MRPS10: variants seen among roughly 807,000 people sequenced by gnomAD.
MRPS10 encodes mitochondrial ribosomal protein S10.
MRPS10 carries 23 observed loss-of-function variants against 27.5 expected under a neutral mutation model. The observed-to-expected ratio is 0.84, with a 90% confidence interval of 0.60 to 1.18. The LOEUF is 1.18. Among genes scored for constraint, MRPS10 ranks in the 50% most tolerant of loss-of-function variants. The probability of loss-of-function intolerance (pLI) is 0.00; values close to 1 mark genes in which losing one functional copy is unlikely to be tolerated. For synonymous variants in MRPS10, 88 were observed against 84.2 expected (o/e 1.04, Z -0.25); for missense variants, 237 against 240.1 (o/e 0.99, Z 0.09).
At chr6:42,214,002 T>G (rs1312876296) in intron 3 of MRPS10, 118 bp downstream of exon 3, 5 of 705,010 alleles carry the variant, frequency 7.1e-6, no homozygotes, top group Non-Finnish European at 1.2e-5. Context: ...CATTTGCCAG[T>G]ATTCTAGGAC....
chr6:42,213,612 G>A (rs184316793), intron 3 of MRPS10, among the ~76,000 whole-genome samples: 26 of 152,254 alleles, frequency 1.7e-4, no homozygotes, highest in African/African-American at 5.8e-4. Context: ...GAAATGAAAG[G>A]ATTTTTAAAA....
chr6:42,210,701 T>C, intron 4 of MRPS10, 105 bp from the exon 5 acceptor site: 9 of 1,451,974 alleles, frequency 6.2e-6, no homozygotes, highest in Non-Finnish European at 8.3e-6. Context: ...TTAACTACCA[T>C]TTACAGACTT....
At chr6:42,209,235 T>G (rs1227477393) in intron 5 of MRPS10, among the ~76,000 whole-genome samples, 1 of 151,962 alleles carries the variant, frequency 6.6e-6, no homozygotes, top group African/African-American at 2.4e-5. Context: ...TGACCTCAAG[T>G]GATCCGCCTG....
Position 42,217,822 on chromosome 6 carries a change from C to CA in MRPS10, c.27dup (p.Val10CysfsTer18). ...AGTACCTGCCAGAGGCGCCGGCACA[C>CA]AGCACCGAACGCTGTCCGCGCCGCC... On this transcript the variant is annotated frameshift_variant, in exon 1 of 7. Coordinates refer to ENST00000053468, the MANE Select transcript of MRPS10 (RefSeq NM_018141.4). LOFTEE classifies it high-confidence loss of function. 1 of 1,614,176 alleles carries CA rather than the reference C, an allele frequency of 6.2e-7. No individual in the cohort carries two copies. Among genetic ancestry groups the CA allele is most frequent in the Non-Finnish European group, 8.5e-7 (1 of 1,180,008 alleles).
chr6:42,216,839 G>A (rs1768955767), intron 1 of MRPS10, among the ~76,000 whole-genome samples: 1 of 152,080 alleles, frequency 6.6e-6, no homozygotes, highest in Non-Finnish European at 1.5e-5. Flanking sequence ...AAAAACGGTG[G>A]TCTCAAAGTG....
intron 5 of MRPS10, among the ~76,000 whole-genome samples, 196 bp downstream of exon 5, chr6:42,210,292 C>G (rs1378022008): frequency 6.6e-6 from 1 of 151,170 alleles, no homozygotes; most frequent in Non-Finnish European, 1.5e-5. Flanking sequence ...ATGCACTACT[C>G]TAAAGGATTG....
chr6:42,210,714 A>G, intron 4 of MRPS10, 118 bp from the exon 5 acceptor site: 2 of 1,399,328 alleles, frequency 1.4e-6, no homozygotes, highest in South Asian at 2.6e-5. Context: ...ACAGACTTCC[A>G]TTTGCCAAAA....
chr6:42,208,243 G>A lies in MRPS10; in HGVS notation c.*46C>T, dbSNP rs770726801. 1.5e-6 allele frequency: 2 copies of A among 1,379,014 alleles called. No homozygotes were observed. The highest frequency in any genetic ancestry group is 2.1e-6 in the Non-Finnish European group (2 of 969,148). 85.4% of individuals were successfully genotyped at this position (1,379,014 alleles called of 1,614,324 possible). On this transcript the variant is annotated 3_prime_UTR_variant, in exon 7 of 7. Coordinates refer to ENST00000053468, the MANE Select transcript of MRPS10 (RefSeq NM_018141.4). Reference sequence around the variant, plus strand: ...CTCTCCACTTAAACATACTCATCTGGCCCACCCTCATTTCAAATTTAGGCA... The same window carrying A: ...CTCTCCACTTAAACATACTCATCTGACCCACCCTCATTTCAAATTTAGGCA...
At chr6:42,216,765 C>T (rs1374903213) in intron 1 of MRPS10, among the ~76,000 whole-genome samples, 1 of 152,008 alleles carries the variant, frequency 6.6e-6, no homozygotes, top group East Asian at 1.9e-4. Context: ...GAGCCGAGAT[C>T]GTGCCATTGC....
At chr6:42,213,467 A>C (rs535635660) in intron 3 of MRPS10, among the ~76,000 whole-genome samples, 4 of 152,252 alleles carry the variant, frequency 2.6e-5, no homozygotes, top group Admixed American at 2.6e-4. Context: ...AAATAAATAA[A>C]TATCCAATAT....
At position 42,211,873 on chromosome 6, in the gene MRPS10, C is replaced by T. The variant is rs1935106697; in HGVS notation, c.231G>A (p.Ser77=). ...DEPDILYKRL[S]VLVKGHDKAV... ...CCTTATCGTGACCTTTCACCAAAACCGAGAGGCGCTTATATAATATGTCTG... is the reference window on the plus strand; with the variant it reads ...CCTTATCGTGACCTTTCACCAAAACTGAGAGGCGCTTATATAATATGTCTG... Residue 77 remains serine (S), a synonymous_variant, in exon 4 of 7, where the codon TCG becomes TCA. Transcript: ENST00000053468. 4.3e-6 allele frequency: 7 copies of T among 1,613,726 alleles called. No homozygotes were observed. The highest frequency in any genetic ancestry group is 1.1e-5 in the South Asian group (1 of 91,066).
intron 6 of MRPS10, 66 bp downstream of exon 6, chr6:42,208,792 T>C (rs573257660): frequency 2.6e-6 from 3 of 1,134,212 alleles, no homozygotes; most frequent in East Asian, 4.9e-5. Flanking sequence ...CTGCAATGTA[T>C]CAAAACAACA....
chr6:42,217,818 C>T lies in MRPS10; in HGVS notation c.32G>A (p.Cys11Tyr), dbSNP rs766459845. 1 of 1,614,174 alleles carries T rather than the reference C, an allele frequency of 6.2e-7. No individual in the cohort carries two copies. Among genetic ancestry groups the T allele is most frequent in the Non-Finnish European group, 8.5e-7 (1 of 1,180,020 alleles). The part of the protein sequence containing the change: MAARTAFGAV[C>Y]RRLWQGLGNF... ...ATCCAGTACCTGCCAGAGGCGCCGG[C>T]ACACAGCACCGAACGCTGTCCGCGC... is the stretch of plus-strand genomic sequence containing the variant. Residue 11 changes from cysteine to tyrosine, a missense_variant, in exon 1 of 7, where the codon TGC (cysteine) becomes TAC (tyrosine). Cys to Tyr is a radical substitution (Grantham distance 194, BLOSUM62 -2). Around this residue, in one of 3 missense-constraint regions of MRPS10, gnomAD observed 164 missense variants for 137.8 expected, o/e 1.19. Coordinates refer to ENST00000053468, the MANE Select transcript of MRPS10 (RefSeq NM_018141.4).
At chr6:42,216,379 AGAGAGAGTGTGTGT>A (rs1397436508) in intron 1 of MRPS10, among the ~76,000 whole-genome samples, 97 of 33,798 alleles carry the variant, frequency 2.9e-3, no homozygotes, top group African/African-American at 5.7e-3. Flanking sequence ...AGAGAGAGAG[AGAGAGAGTGTGTGT>A]GTGTGTGTGT....
chr6:42,208,745 G>T, intron 6 of MRPS10, 113 bp downstream of exon 6: 1 of 748,158 alleles, frequency 1.3e-6, no homozygotes, highest in Non-Finnish European at 2.2e-6. Flanking sequence ...GTTTGCCACA[G>T]TTTAGGGCAA....
rs1419605477 is a variant in MRPS10, at chr6:42,208,311, T to C, written c.584A>G (p.Glu195Gly). 2 of 1,612,924 alleles carry C rather than the reference T, an allele frequency of 1.2e-6. No homozygotes were observed. Among genetic ancestry groups the C allele is most frequent in the East Asian group, 4.5e-5 (2 of 44,880 alleles). ...GCTTTATGACTTGCTTTCTTCTTTTTCTTCTGATAGTGTTTCCCAGATTGG... is the reference window on the plus strand; with the variant it reads ...GCTTTATGACTTGCTTTCTTCTTTTCCTTCTGATAGTGTTTCCCAGATTGG... Reference protein sequence around the residue: ...KEPIWETLSEEKEESKS With the variant: ...KEPIWETLSEGKEESKS Residue 195 changes from glutamate to glycine, a missense_variant, in exon 7 of 7, where the codon GAA (glutamate) becomes GGA (glycine). By Grantham distance (98) the Glu-to-Gly change is moderately conservative (BLOSUM62 -2). Around this residue, in one of 3 missense-constraint regions of MRPS10, gnomAD observed 62 missense variants for 68.2 expected, o/e 0.91. Transcript: ENST00000053468.
rs371856938 is a variant in MRPS10 at position 42,210,571 on chromosome 6, G to T, written c.349C>A (p.Arg117=). ...TGCACTGATTGGAGAAGAGTAAATC[G>T]CTCTATTTTCCTTGGAGGTTCATGT... is the stretch of plus-strand genomic sequence containing the variant. ...KVHEPPRKIE[R]FTLLQSVHIY... Residue 117 remains arginine, a synonymous_variant, in exon 5 of 7, where the codon CGA becomes AGA. Coordinates refer to ENST00000053468, the MANE Select transcript of MRPS10 (RefSeq NM_018141.4). 1 of 1,504,104 alleles carries T rather than the reference G, an allele frequency of 6.6e-7. No individual in the cohort carries two copies. Among genetic ancestry groups the T allele is most frequent in the Admixed American group, 2.1e-5 (1 of 47,200 alleles). The allele number at this position is 1,504,104 out of a possible 1,614,324, so 93.2% of individuals were successfully genotyped here.
chr6:42,214,247 T>C, intron 2 of MRPS10, 33 bp downstream of exon 2: 3 of 1,609,534 alleles, frequency 1.9e-6, no homozygotes, highest in Non-Finnish European at 2.6e-6. Flanking sequence ...GAACCTATTT[T>C]GTTCAATTTA....
At chr6:42,213,338 A>G (rs926782381) in intron 3 of MRPS10, among the ~76,000 whole-genome samples, 4 of 152,154 alleles carry the variant, frequency 2.6e-5, no homozygotes, top group African/African-American at 4.8e-5. Context: ...AATCCCAGCT[A>G]GTCGGGAGGC....
Sources: gnomAD v4.1 joint callset for allele counts (sites outside exome capture counted in the v4.1 genomes callset) on GRCh38, gnomAD v4.1.1 for gene constraint, gnomAD v4.1.1 regional missense constraint, MANE v1.5 for transcripts, NCBI Gene and HGNC (gene_info 2026-07-23, HGNC 2026-07-21) for gene names.